RET: variants seen among roughly 807,000 people sequenced by gnomAD.
RET encodes ret proto-oncogene, also known as proto-oncogene tyrosine-protein kinase receptor Ret.
In RET, 19 loss-of-function variants were observed where a neutral mutation model predicts 118.3. That is an observed-to-expected ratio of 0.16 (90% CI 0.11 to 0.24). The LOEUF is 0.24. RET is among the 10% of genes least tolerant of loss of function. RET has a pLI of 1.00. For missense variants in RET, 1,219 were observed against 1,502.1 expected (o/e 0.81, Z 3.12); for synonymous variants, 597 against 644.1 (o/e 0.93, Z 1.11).
chr10:43,105,641 G>A (rs1837755135), intron 4 of RET, among the ~76,000 whole-genome samples: 1 of 152,194 alleles, frequency 6.6e-6, no homozygotes, highest in Admixed American at 6.5e-5. Context: ...TCGCGCTGGT[G>A]GAGCGCGACC....
chr10:43,102,580 T>C lies in RET; in HGVS notation c.576T>C (p.Pro192=). Residue 192 remains proline (P), a synonymous_variant, in exon 3 of 20, where the codon CCT becomes CCC. Coordinates refer to ENST00000355710, the MANE Select transcript of RET (RefSeq NM_020975.6). ...CCTTCCACCAGTTCCGCCTGCTGCC[T>C]GTGCAGTTCTTGTGCCCCAACATCA... ...PGTFHQFRLL[P]VQFLCPNISV... The C allele has an allele frequency of 6.2e-7, 1 of 1,614,242 alleles. No homozygotes were observed. The highest frequency in any genetic ancestry group is 8.5e-7 in the Non-Finnish European group (1 of 1,180,042).
rs183385671 is a variant in RET at position 43,119,018 on chromosome 10, G to C, written c.2393-513G>C. 7.2e-5 allele frequency among the ~76,000 whole-genome samples: 11 copies of C among 152,354 alleles called. No homozygotes were observed. In the East Asian group the frequency reaches 2.1e-3, roughly 29 times the overall value. ...TGCGTGTGTGGGTGTGTGCGAGAGGGATAGGGAACCCAAACACCGGGAGTG... is the reference window on the plus strand; with the variant it reads ...TGCGTGTGTGGGTGTGTGCGAGAGGCATAGGGAACCCAAACACCGGGAGTG... On this transcript the variant is annotated intron_variant, in intron 13 of 19. Coordinates refer to ENST00000355710, the MANE Select transcript of RET (RefSeq NM_020975.6).
intron 16 of RET, 47 bp downstream of exon 16, chr10:43,122,063 C>CT: frequency 6.8e-7 from 1 of 1,475,138 alleles, no homozygotes; most frequent in Non-Finnish European, 9.5e-7. Flanking sequence ...CAGAAACACC[C>CT]TTATACATGT....
intron 13 of RET, 147 bp from the exon 14 acceptor site, chr10:43,119,384 C>A: frequency 4.6e-6 from 3 of 650,118 alleles, no homozygotes; most frequent in Non-Finnish European, 8.1e-6. Context: ...CACAGAGCTG[C>A]AGCAGTGCTG....
chr10:43,124,475 G>T (rs1838287844), intron 17 of RET, among the ~76,000 whole-genome samples: 1 of 152,200 alleles, frequency 6.6e-6, no homozygotes, highest in African/African-American at 2.4e-5. Flanking sequence ...TTGTTTGTCT[G>T]TCTCCACACC....
rs377767411 is a variant in RET at position 43,114,521 on chromosome 10, G to A, written c.1921G>A (p.Ala641Thr). The change falls in exon 11 of 20, where the codon GCT (alanine) becomes ACT (threonine). Residue 641 changes from alanine (A) to threonine (T), a missense_variant. Physicochemically the swap from Ala to Thr is moderately conservative, Grantham distance 58. This residue lies in a region of RET where 850 missense variants were observed against 969.6 expected (regional missense o/e 0.88). Coordinates refer to ENST00000355710, the MANE Select transcript of RET (RefSeq NM_020975.6). This position sits in a 1 kb window ranked among gnomAD's most constrained non-coding sequence, Gnocchi z 4.6. Reference sequence around the variant, plus strand: ...GCTGTGCCGCACGGTGATCGCAGCCGCTGTCCTCTTCTCCTTCATCGTCTC... The same window carrying A: ...GCTGTGCCGCACGGTGATCGCAGCCACTGTCCTCTTCTCCTTCATCGTCTC... ...DELCRTVIAA[A>T]VLFSFIVSVL... The A allele has an allele frequency of 2.0e-5, 32 of 1,609,104 alleles. No individual in the cohort carries two copies. In the East Asian group the frequency reaches 2.2e-4, roughly 11 times the overall value.
intron 1 of RET, among the ~76,000 whole-genome samples, chr10:43,079,057 C>A (rs1007290285): frequency 1.3e-5 from 2 of 152,218 alleles, no homozygotes; most frequent in Admixed American, 1.3e-4. Context: ...TCGGTGCTCC[C>A]CAACCACCCC....
Position 43,112,200 on chromosome 10 carries a change from G to C in RET, c.1624G>C (p.Glu542Gln). 1 of 1,559,124 alleles carries C rather than the reference G, an allele frequency of 6.4e-7. No individual in the cohort carries two copies. The highest frequency in any genetic ancestry group is 8.7e-7 in the Non-Finnish European group (1 of 1,150,932). ...GGLGSPTGRCEWRQGDGKGIT... is the reference protein window; with the variant it reads ...GGLGSPTGRCQWRQGDGKGIT... ...CCTGGGCTCCCCAACAGGCAGGTGTGAGTGGAGGCAAGGAGATGGCAAAGG... is the reference window on the plus strand; with the variant it reads ...CCTGGGCTCCCCAACAGGCAGGTGTCAGTGGAGGCAAGGAGATGGCAAAGG... The change falls in exon 8 of 20, where the codon GAG becomes CAG. Residue 542 changes from glutamate (E) to glutamine (Q), a missense_variant. Glu to Gln is a conservative substitution (Grantham distance 29). Around this residue, in one of 5 missense-constraint regions of RET, gnomAD observed 850 missense variants for 969.6 expected, o/e 0.88. Transcript: ENST00000355710.
chr10:43,100,441 C>G lies in RET; in HGVS notation c.74-18C>G, dbSNP rs2132655911. The stretch of plus-strand genomic sequence containing the variant: ...CCTTATTCTCACCATCCCTCACTCA[C>G]TTCCCTACTTCCCACAGTGGCATTG... On this transcript the variant is annotated intron_variant, in intron 1 of 19. Transcript: ENST00000355710. The G allele has an allele frequency of 6.2e-7, 1 of 1,612,104 alleles. No individual in the cohort carries two copies. The highest frequency in any genetic ancestry group is 8.5e-7 in the Non-Finnish European group (1 of 1,179,516).
chr10:43,123,625 G>C (rs1564500569), intron 16 of RET, 46 bp from the exon 17 acceptor site: 1 of 1,613,544 alleles, frequency 6.2e-7, no homozygotes, highest in East Asian at 2.2e-5. Flanking sequence ...GGAGGGCTCT[G>C]TGAGGGCCAG....
In RET at chr10:43,129,612, G is replaced by T. The variant is rs1165594500; in HGVS notation, c.*1343G>T. 6 of 250,362 alleles carry T rather than the reference G, an allele frequency of 2.4e-5. No homozygotes were observed. The highest frequency in any genetic ancestry group is 4.3e-5 in the African/African-American group (2 of 46,018). 15.5% of individuals were successfully genotyped at this position (250,362 alleles called of 1,614,324 possible). A position where few individuals can be genotyped will look rare whatever the true frequency, so the allele number is the denominator to read the frequency against. On this transcript the variant is annotated 3_prime_UTR_variant, in exon 20 of 20. Transcript: ENST00000355710. ...GTCAGCACTGTAACTTCGCAGAAAA[G>T]AGTCGGATTACCAAAACACTGCCTG...
chr10:43,093,989 GTGTT>G (rs1174698797), intron 1 of RET, among the ~76,000 whole-genome samples: 1 of 151,628 alleles, frequency 6.6e-6, no homozygotes, highest in East Asian at 1.9e-4. Context: ...GGGCTCCAGG[GTGTT>G]TGTTCAGCAT....
chr10:43,126,963 T>C, intron 19 of RET: 1 of 1,411,532 alleles, frequency 7.1e-7, no homozygotes, highest in Non-Finnish European at 9.2e-7. Flanking sequence ...CAACTTAGGA[T>C]GGTAGAGGAA....
At chr10:43,118,313 T>C (rs1163486697) in intron 12 of RET, 60 bp from the exon 13 acceptor site, 1 of 1,329,150 alleles carries the variant, frequency 7.5e-7, no homozygotes, top group African/African-American at 1.5e-5. Flanking sequence ...TGACCTGGTA[T>C]GGTCATGGAA....
intron 13 of RET, 59 bp downstream of exon 13, chr10:43,118,539 C>G: frequency 4.1e-6 from 5 of 1,216,274 alleles, no homozygotes; most frequent in Non-Finnish European, 6.1e-6. Flanking sequence ...GGGCTCCATA[C>G]AGCCCTGTTC....
At chr10:43,125,682 G>A (rs1838313610) in intron 18 of RET, among the ~76,000 whole-genome samples, 1 of 152,160 alleles carries the variant, frequency 6.6e-6, no homozygotes, top group Non-Finnish European at 1.5e-5. Flanking sequence ...CAGAGGCTGG[G>A]AATGCAGATA....
In RET at chr10:43,119,463, A is replaced by G. The variant is rs576220936; in HGVS notation, c.2393-68A>G. On this transcript the variant is annotated intron_variant, in intron 13 of 19. Transcript: ENST00000355710. ...GGGCCTGGGGACCCTGCGGCCTCCC[A>G]CCCCTGGCTCCTGGAAGACCCAAGC... 2.3e-3 allele frequency: 3,304 copies of G among 1,419,524 alleles called. 6 individuals are homozygous for G. Among genetic ancestry groups the G allele is most frequent in the Admixed American group, 4.6e-3 (236 of 50,770 alleles). The allele number at this position is 1,419,524 out of a possible 1,614,324, so 87.9% of individuals were successfully genotyped here.
At chr10:43,102,762 C>T in intron 3 of RET, 133 bp downstream of exon 3, 1 of 1,108,172 alleles carries the variant, frequency 9.0e-7, no homozygotes, top group Non-Finnish European at 1.3e-6. Flanking sequence ...CCAGAAGTAC[C>T]TCTTGCATGC....
chr10:43,085,965 T>C (rs761977753), intron 1 of RET, among the ~76,000 whole-genome samples: 2 of 152,172 alleles, frequency 1.3e-5, no homozygotes, highest in Non-Finnish European at 2.9e-5. Flanking sequence ...GCTCTCTCCC[T>C]CTGCTCTCCA....
Sources: gnomAD v4.1 joint callset for allele counts (sites outside exome capture counted in the v4.1 genomes callset) on GRCh38, gnomAD v4.1.1 for gene constraint, gnomAD v4.1.1 regional missense constraint, Gnocchi (gnomAD v3.1) non-coding constraint, MANE v1.5 for transcripts, NCBI Gene and HGNC (gene_info 2026-07-23, HGNC 2026-07-21) for gene names.